The following DDX6 variants were observed in gnomAD, a reference collection of about 807,000 sequenced individuals.
The protein encoded by DDX6 is probable ATP-dependent RNA helicase DDX6.
Under a neutral mutation model 60.6 loss-of-function variants are expected in DDX6, and 7 were observed. The observed-to-expected ratio is 0.12, with a 90% CI of 0.07 to 0.22. The LOEUF is 0.22. Ranked by LOEUF, DDX6 falls within the 10% of genes least tolerant of loss-of-function variation. DDX6 has a pLI of 1.00. For synonymous variants in DDX6, 207 were observed against 201.0 expected (o/e 1.03, Z -0.25); for missense variants, 270 against 589.9 (o/e 0.46, Z 5.62).
chr11:118,770,090 G>A (rs1861487647), intron 4 of DDX6, among the ~76,000 whole-genome samples: 2 of 151,452 alleles, frequency 1.3e-5, no homozygotes, highest in African/African-American at 4.9e-5. Flanking sequence ...ACAATGGTGC[G>A]ATCTTGGCTC....
chr11:118,781,139 A>G lies in DDX6; in HGVS notation c.246T>C (p.Asp82=). The G allele has an allele frequency of 6.2e-7, 1 of 1,605,264 alleles. No individual in the cohort carries two copies. Among genetic ancestry groups the G allele is most frequent in the Non-Finnish European group, 8.5e-7 (1 of 1,174,632 alleles). ...AACTTACCGAAGTTTTGATTCTTAG[A>G]TCCTTTGGAGGGAGTTTTAAAGTCT... ...WKKTLKLPPK[D]LRIKTSDVTS... The change falls in exon 3 of 14, where the codon GAT becomes GAC. Residue 82 remains aspartate, a synonymous_variant. Coordinates refer to ENST00000534980, the MANE Select transcript of DDX6 (RefSeq NM_004397.6).
chr11:118,771,694 T>C (rs1276180541), intron 4 of DDX6, among the ~76,000 whole-genome samples: 1 of 152,256 alleles, frequency 6.6e-6, no homozygotes, highest in Admixed American at 6.5e-5. Context: ...TTAGGTACTT[T>C]GTTTTACAAC....
intron 13 of DDX6, among the ~76,000 whole-genome samples, chr11:118,753,403 G>A (rs190799794): frequency 9.9e-4 from 146 of 147,318 alleles, no homozygotes; most frequent in Non-Finnish European, 1.6e-3. Context: ...GCAGTGGTGC[G>A]GTCTCAGCTC....
At chr11:118,766,018 C>A (rs1176791202) in intron 5 of DDX6, among the ~76,000 whole-genome samples, 1 of 151,828 alleles carries the variant, frequency 6.6e-6, no homozygotes, top group African/African-American at 2.4e-5. Context: ...TTGTGGTGAG[C>A]CGAGATTGTG....
At position 118,750,430 on chromosome 11, in the gene DDX6, T is replaced by C. The variant is rs1157087062; in HGVS notation, c.*1675A>G. The C allele has an allele frequency of 2.0e-5, 3 of 152,138 alleles. No individual in the cohort carries two copies. Among genetic ancestry groups the C allele is most frequent in the African/African-American group, 4.8e-5 (2 of 41,432 alleles). 9.4% of individuals were successfully genotyped at this position (152,138 alleles called of 1,614,324 possible). On this transcript the variant is annotated 3_prime_UTR_variant, in exon 14 of 14. Coordinates refer to ENST00000534980, the MANE Select transcript of DDX6 (RefSeq NM_004397.6). ...TGACAGGTAACAATTCTTGTCACAA[T>C]GCAAGAGAATGGCAAGCAGCTTTCT...
Position 118,751,462 on chromosome 11 carries a change from T to C in DDX6, c.*643A>G, listed in dbSNP as rs1860766947. The C allele has an allele frequency of 6.6e-6, 1 of 152,076 alleles. No homozygotes were observed. The highest frequency in any genetic ancestry group is 1.5e-5 in the Non-Finnish European group (1 of 68,058). The allele number at this position is 152,076 out of a possible 1,614,324, so 9.4% of individuals were successfully genotyped here. A position where few individuals can be genotyped will look rare whatever the true frequency, so the allele number is the denominator to read the frequency against. On this transcript the variant is annotated 3_prime_UTR_variant, in exon 14 of 14. Coordinates refer to ENST00000534980, the MANE Select transcript of DDX6 (RefSeq NM_004397.6). ...AAAAAATGGTGTTTAACATTACTAG[T>C]GAGTTTCAACTTCTAGCCCTGGGCT...
chr11:118,790,469 G>A (rs1175937119), intron 1 of DDX6: 4 of 152,046 alleles, frequency 2.6e-5, no homozygotes, highest in African/African-American at 4.8e-5. Context: ...GACCCGCAAG[G>A]CCTACTGCAA....
upstream of DDX6, chr11:118,791,271 C>G (rs982602653): frequency 6.6e-6 from 1 of 152,148 alleles, no homozygotes; most frequent in African/African-American, 2.4e-5. Flanking sequence ...GATGGCGAAA[C>G]CTCGGCCGCC....
At chr11:118,766,564 C>T (rs1555161313) in intron 5 of DDX6, among the ~76,000 whole-genome samples, 1 of 152,152 alleles carries the variant, frequency 6.6e-6, no homozygotes, top group African/African-American at 2.4e-5. Context: ...GACTCTCCCT[C>T]AGCAATACTA....
intron 2 of DDX6, among the ~76,000 whole-genome samples, chr11:118,784,403 G>A (rs1469678187): frequency 6.6e-6 from 1 of 151,530 alleles, no homozygotes; most frequent in African/African-American, 2.4e-5. Context: ...CCTCAGTTCA[G>A]TAACCCAGTG....
At chr11:118,763,676 A>C (rs1555160758) in intron 6 of DDX6, among the ~76,000 whole-genome samples, 1 of 152,008 alleles carries the variant, frequency 6.6e-6, no homozygotes, top group African/African-American at 2.4e-5. Context: ...TCTACTAAAA[A>C]TACAAAAATT....
intron 2 of DDX6, among the ~76,000 whole-genome samples, chr11:118,781,530 A>G (rs1007900597): frequency 3.9e-5 from 6 of 152,292 alleles, no homozygotes; most frequent in Admixed American, 3.9e-4. Context: ...AAGATTTTAT[A>G]TATCTTATAT....
chr11:118,768,210 T>A lies in DDX6; in HGVS notation c.499+13A>T. Reference sequence around the variant, plus strand: ...CCATTTTTAGTTTAAAAACAAACTTTTATTCAACTAACCTTGTATATTGTC... The same window carrying A: ...CCATTTTTAGTTTAAAAACAAACTTATATTCAACTAACCTTGTATATTGTC... On this transcript the variant is annotated intron_variant, in intron 5 of 13. Transcript: ENST00000534980. 6.2e-7 allele frequency: 1 copy of A among 1,609,544 alleles called. No homozygotes were observed. Among genetic ancestry groups the A allele is most frequent in the Non-Finnish European group, 8.5e-7 (1 of 1,177,250 alleles).
intron 3 of DDX6, among the ~76,000 whole-genome samples, chr11:118,780,831 C>T (rs564899798): frequency 3.3e-4 from 50 of 152,272 alleles, no homozygotes; most frequent in African/African-American, 1.0e-3. Flanking sequence ...CTTTAGCTTC[C>T]CCCCTATTGA....
chr11:118,784,660 T>C (rs1311098799), intron 2 of DDX6, among the ~76,000 whole-genome samples: 2 of 152,112 alleles, frequency 1.3e-5, no homozygotes, highest in Admixed American at 6.6e-5. Context: ...GGTTTCACCA[T>C]GTTGGTCAGG....
chr11:118,770,436 A>C (rs1332851838), intron 4 of DDX6, among the ~76,000 whole-genome samples: 3 of 152,298 alleles, frequency 2.0e-5, no homozygotes, highest in South Asian at 4.1e-4. Context: ...CAAACAAAAA[A>C]CAGCTTTAGC....
At chr11:118,784,123 A>T (rs1008037241) in intron 2 of DDX6, among the ~76,000 whole-genome samples, 1 of 151,102 alleles carries the variant, frequency 6.6e-6, no homozygotes, top group East Asian at 2.2e-4. Flanking sequence ...AAAATTAAAA[A>T]TAGTCTAAAT....
intron 7 of DDX6, among the ~76,000 whole-genome samples, chr11:118,761,129 A>G (rs1254276776): frequency 6.6e-6 from 1 of 151,728 alleles, no homozygotes; most frequent in Non-Finnish European, 1.5e-5. Flanking sequence ...CAACAGAGCA[A>G]GACTCTGTCT....
intron 7 of DDX6, among the ~76,000 whole-genome samples, 156 bp downstream of exon 7, chr11:118,763,056 C>T (rs185353747): frequency 5.3e-5 from 8 of 152,276 alleles, no homozygotes; most frequent in East Asian, 1.9e-4. Context: ...CTCCCTCTGA[C>T]GGGTAAAACA....
Sources: allele counts gnomAD v4.1 joint callset (sites outside exome capture counted in the v4.1 genomes callset), GRCh38; gene constraint gnomAD v4.1.1; transcripts MANE v1.5; gene names NCBI Gene and HGNC (gene_info 2026-07-23, HGNC 2026-07-21).